Variants in SAMD3 observed in about 807,000 individuals in gnomAD.
The protein encoded by SAMD3 is sterile alpha motif domain-containing protein 3.
Under a neutral mutation model 58.5 loss-of-function variants are expected in SAMD3, and 63 were observed. The ratio of observed to expected loss-of-function variants is 1.08; its 90% CI spans 0.88 to 1.33. The LOEUF (loss-of-function observed/expected upper bound fraction) is 1.33, where lower values mean the gene tolerates loss of function less well. Among genes scored for constraint, SAMD3 ranks in the 40% most tolerant of loss-of-function variants. The pLI, the probability that SAMD3 is intolerant of heterozygous loss-of-function variation, is 0.00. For missense variants in SAMD3, 604 were observed against 608.4 expected (o/e 0.99, Z 0.08); for synonymous variants, 220 against 210.3 (o/e 1.05, Z -0.40).
intron 2 of SAMD3, among the ~76,000 whole-genome samples, chr6:130,281,226 A>T (rs1366290899): frequency 6.6e-6 from 1 of 152,242 alleles, no homozygotes; most frequent in Non-Finnish European, 1.5e-5. Context: ...AATACTGTGT[A>T]TAAGGGAAAA....
intron 1 of SAMD3, among the ~76,000 whole-genome samples, chr6:130,218,094 C>G (rs959942123): frequency 6.6e-6 from 1 of 152,144 alleles, no homozygotes; most frequent in African/African-American, 2.4e-5. Context: ...TTTAGTTCAG[C>G]TAAGAGCTGG....
intron 8 of SAMD3, among the ~76,000 whole-genome samples, chr6:130,163,182 A>G (rs35542373): frequency 0.08 from 12,175 of 152,252 alleles, 693 homozygotes; most frequent in African/African-American, 0.16. Flanking sequence ...CTCATTAAAA[A>G]TTTTTAAGAA....
intron 8 of SAMD3, among the ~76,000 whole-genome samples, chr6:130,163,412 T>G (rs1304162202): frequency 1.3e-5 from 2 of 152,190 alleles, no homozygotes. Context: ...TCGTCAAGTG[T>G]TGACTTGGAA....
chr6:130,144,467 A>C lies in SAMD3; in HGVS notation c.*53T>G. 1 of 1,545,904 alleles carries C rather than the reference A, an allele frequency of 6.5e-7. No homozygotes were observed. The highest frequency in any genetic ancestry group is 8.8e-7 in the Non-Finnish European group (1 of 1,140,520). On this transcript the variant is annotated 3_prime_UTR_variant, in exon 12 of 12. Coordinates refer to ENST00000439090, the MANE Select transcript of SAMD3 (RefSeq NM_001017373.4). ...CAACCCTAAATCAAAACAATTTCTT[A>C]TGAAGCTTCAGTTTTCCCAGAGGTA...
chr6:130,286,928 T>C (rs1775177287), intron 2 of SAMD3, among the ~76,000 whole-genome samples: 1 of 152,186 alleles, frequency 6.6e-6, no homozygotes, highest in South Asian at 2.1e-4. Flanking sequence ...CAGACTGGTC[T>C]CAAACTCCTG....
chr6:130,281,310 C>A (rs1283499349), intron 2 of SAMD3, among the ~76,000 whole-genome samples: 1 of 152,132 alleles, frequency 6.6e-6, no homozygotes, highest in East Asian at 1.9e-4. Context: ...AAGTCTCTTG[C>A]TTACTGATTT....
intron 2 of SAMD3, among the ~76,000 whole-genome samples, chr6:130,261,817 T>A (rs1379839223): frequency 6.6e-6 from 1 of 152,174 alleles, no homozygotes; most frequent in Non-Finnish European, 1.5e-5. Context: ...TTCAAAGGTA[T>A]GGCACAAGGT....
intron 5 of SAMD3, among the ~76,000 whole-genome samples, chr6:130,202,000 A>C (rs1794688301): frequency 6.6e-6 from 1 of 152,220 alleles, no homozygotes; most frequent in Non-Finnish European, 1.5e-5. Context: ...GAAAGGAATA[A>C]AGTATCCATC....
chr6:130,351,953 T>C (rs1035066292), intron 1 of SAMD3, among the ~76,000 whole-genome samples: 3 of 151,018 alleles, frequency 2.0e-5, no homozygotes, highest in Non-Finnish European at 4.4e-5. Flanking sequence ...CTCAGCAAAC[T>C]ATCACAAGGA....
chr6:130,347,594 C>T (rs529044002), intron 1 of SAMD3, among the ~76,000 whole-genome samples: 33 of 152,266 alleles, frequency 2.2e-4, no homozygotes, highest in Non-Finnish European at 4.4e-4. Context: ...ACCAAATCTA[C>T]GTCTGATTGG....
At chr6:130,227,217 T>A (rs1021908734), upstream of SAMD3, among the ~76,000 whole-genome samples, 3 of 152,354 alleles carry the variant, frequency 2.0e-5, no homozygotes, top group South Asian at 6.2e-4. Flanking sequence ...AGTGGAATCA[T>A]ACAATATTTG....
chr6:130,360,838 G>T (rs760982609), intron 1 of SAMD3, among the ~76,000 whole-genome samples: 1 of 152,158 alleles, frequency 6.6e-6, no homozygotes, highest in Non-Finnish European at 1.5e-5. Context: ...ACCCTCAGGG[G>T]CATATTCTCT....
At position 130,169,237 on chromosome 6, in the gene SAMD3, CA is replaced by C. The variant is rs756896334; in HGVS notation, c.822+6603del. ...ATAAATTCAAATGATGGAACCCCCC[CA>C]CACACACACACTTCTTAGTGTTTGT... On this transcript the variant is annotated intron_variant, in intron 8 of 11. Coordinates refer to ENST00000439090, the MANE Select transcript of SAMD3 (RefSeq NM_001017373.4). Among the ~76,000 whole-genome samples the C allele has an allele frequency of 3.5e-4, 53 of 151,780 alleles. No individual in the cohort carries two copies. The East Asian group carries it at 3.9e-3, about 11-fold the overall frequency.
At chr6:130,253,719 T>G (rs897759704) in intron 2 of SAMD3, among the ~76,000 whole-genome samples, 12 of 151,044 alleles carry the variant, frequency 7.9e-5, no homozygotes, top group African/African-American at 2.9e-4. Flanking sequence ...TTCCTTCTAT[T>G]TCTTCCTTGC....
At chr6:130,282,156 G>A (rs962733517) in intron 2 of SAMD3, among the ~76,000 whole-genome samples, 14 of 151,736 alleles carry the variant, frequency 9.2e-5, no homozygotes, top group South Asian at 2.1e-4. Context: ...AAGCACACAC[G>A]CACACGTGCA....
intron 8 of SAMD3, chr6:130,161,339 T>G (rs1349045714): frequency 6.6e-6 from 1 of 152,252 alleles, no homozygotes; most frequent in East Asian, 1.9e-4. Flanking sequence ...GTTTTAATTA[T>G]CTAAATGGCT....
intron 5 of SAMD3, among the ~76,000 whole-genome samples, chr6:130,187,514 A>G (rs190109601): frequency 1.1e-4 from 16 of 152,340 alleles, no homozygotes; most frequent in Non-Finnish European, 1.9e-4. Context: ...GGAATTGACT[A>G]AAAACCAACC....
intron 2 of SAMD3, among the ~76,000 whole-genome samples, chr6:130,262,048 T>C (rs1774159461): frequency 6.7e-6 from 1 of 148,198 alleles, no homozygotes; most frequent in African/African-American, 2.6e-5. Context: ...AAGAGAGATA[T>C]ATACAAGTAG....
chr6:130,266,669 G>A (rs1774368158), intron 2 of SAMD3, among the ~76,000 whole-genome samples: 1 of 152,164 alleles, frequency 6.6e-6, no homozygotes, highest in African/African-American at 2.4e-5. Context: ...TGGATTATAC[G>A]GGATATGTAG....
Sources: gnomAD v4.1 joint callset for allele counts (sites outside exome capture counted in the v4.1 genomes callset) on GRCh38, gnomAD v4.1.1 for gene constraint, MANE v1.5 for transcripts, NCBI Gene and HGNC (gene_info 2026-07-23, HGNC 2026-07-21) for gene names.